Variants in TCP11 observed in about 807,000 individuals in gnomAD.
The protein encoded by TCP11 is t-complex 11.
In TCP11, 34 loss-of-function variants were observed where a neutral mutation model predicts 45.0. That is an observed-to-expected ratio of 0.76 (90% CI 0.57 to 1.01). The LOEUF (loss-of-function observed/expected upper bound fraction) is 1.01. TCP11 is among the 50% of genes least tolerant of loss of function. The probability of loss-of-function intolerance (pLI) is 0.00; values close to 1 mark genes in which losing one functional copy is unlikely to be tolerated. For missense variants in TCP11, 523 were observed against 598.1 expected (o/e 0.87, Z 1.31); for synonymous variants, 227 against 227.0 (o/e 1.00, Z 0.00).
intron 2 of TCP11, chr6:35,140,342 T>C (rs1781586085): frequency 1.4e-6 from 1 of 721,544 alleles, no homozygotes; most frequent in Non-Finnish European, 2.2e-6. Flanking sequence ...AGAACCGAGC[T>C]AGAGACTGGG....
rs1458376624 is a variant in TCP11, at chr6:35,120,554, T to C, written c.808A>G (p.Ser270Gly). The C allele has an allele frequency of 6.2e-7, 1 of 1,613,964 alleles. No individual in the cohort carries two copies. The highest frequency in any genetic ancestry group is 1.7e-5 in the Admixed American group (1 of 60,028). Residue 270 changes from serine to glycine, a missense_variant, in exon 7 of 10, where the codon AGT becomes GGT. Around this residue, in one of 2 missense-constraint regions of TCP11, gnomAD observed 298 missense variants for 387.9 expected, o/e 0.77. Transcript: ENST00000311875. This position sits in a 1 kb window ranked among gnomAD's most constrained non-coding sequence, Gnocchi z 4.9. ...TCATTGGGAGAGGGGCCAGCCACAC[T>C]GGAGGAGTCAGAAGTGTCTGGGCAA... The part of the protein sequence containing the change: ...PTCPDTSDSS[S>G]VAGPSPNEAA...
intron 4 of TCP11, among the ~76,000 whole-genome samples, chr6:35,124,490 T>C (rs1209717490): frequency 6.6e-6 from 1 of 152,210 alleles, no homozygotes; most frequent in African/African-American, 2.4e-5. Context: ...AACACCTTAC[T>C]ATAGAACACT....
intron 4 of TCP11, among the ~76,000 whole-genome samples, chr6:35,127,932 T>C (rs1780011667): frequency 6.6e-6 from 1 of 152,246 alleles, no homozygotes; most frequent in Non-Finnish European, 1.5e-5. Flanking sequence ...TTCTTTGCTC[T>C]GTGAAAATGG....
At chr6:35,141,055 G>T in intron 1 of TCP11, 150 bp downstream of exon 1, 1 of 1,224,770 alleles carries the variant, frequency 8.2e-7, no homozygotes, top group Non-Finnish European at 1.1e-6. Flanking sequence ...GAGTGGGACA[G>T]AAGTGGAGCG....
Position 35,141,293 on chromosome 6 carries a change from C to T in TCP11, c.-103G>A, listed in dbSNP as rs1404797959. On this transcript the variant is annotated 5_prime_UTR_variant, in exon 1 of 10. Transcript: ENST00000311875. ...CCTGGAGCGTACCACCGCGGCGGAGCGGCGGGTTGGGGCGTCGCACGGTGA... is the reference window on the plus strand; with the variant it reads ...CCTGGAGCGTACCACCGCGGCGGAGTGGCGGGTTGGGGCGTCGCACGGTGA... The T allele has an allele frequency of 3.9e-6, 5 of 1,288,782 alleles. No homozygotes were observed. The highest frequency in any genetic ancestry group is 4.6e-5 in the South Asian group (2 of 43,684). 79.8% of individuals were successfully genotyped at this position (1,288,782 alleles called of 1,614,324 possible).
At position 35,119,291 on chromosome 6, in the gene TCP11, C is replaced by G. The variant is rs142229547; in HGVS notation, c.1216G>C (p.Ala406Pro). Residue 406 changes from alanine (A) to proline (P), a missense_variant, in exon 9 of 10, where the codon GCA becomes CCA. By Grantham distance (27) the Ala-to-Pro change is conservative (BLOSUM62 -1). Transcript: ENST00000311875. ...GLVALSSDNT[A>P]SLMGQLQNIA... ...TTCTGGAGCTGTCCCATTAGAGATG[C>G]TGTATTATCACTGCTTAGAGCAACA... 23 of 1,614,080 alleles carry G rather than the reference C, an allele frequency of 1.4e-5. No homozygotes were observed. Among genetic ancestry groups the G allele is most frequent in the Non-Finnish European group, 1.9e-5 (22 of 1,180,050 alleles).
chr6:35,129,352 A>C (rs116712730), intron 3 of TCP11, among the ~76,000 whole-genome samples, 170 bp from the exon 4 acceptor site: 1,601 of 152,310 alleles, frequency 0.011, 33 homozygotes, highest in African/African-American at 0.036. Flanking sequence ...CTAGGGTTAG[A>C]TTTGTATTTC....
At chr6:35,133,355 T>A (rs566262603) in intron 3 of TCP11, among the ~76,000 whole-genome samples, 30 of 151,632 alleles carry the variant, frequency 2.0e-4, no homozygotes, top group South Asian at 4.2e-4. Flanking sequence ...TAAAAAAAAA[T>A]TTTTTTTTGT....
chr6:35,126,908 T>C (rs777468397), intron 4 of TCP11, among the ~76,000 whole-genome samples: 5 of 152,106 alleles, frequency 3.3e-5, no homozygotes, highest in Non-Finnish European at 5.9e-5. Context: ...TCTGCCCACC[T>C]GAGCCTCCCA....
intron 3 of TCP11, among the ~76,000 whole-genome samples, chr6:35,129,948 A>AT (rs981508339): frequency 6.6e-6 from 1 of 151,576 alleles, no homozygotes; most frequent in Non-Finnish European, 1.5e-5. Flanking sequence ...TAATTTTTTT[A>AT]TTTTTTTATT....
At position 35,120,904 on chromosome 6, in the gene TCP11, C is replaced by G. The variant is rs909998368; in HGVS notation, c.715+5G>C. The G allele has an allele frequency of 6.2e-7, 1 of 1,612,070 alleles. No homozygotes were observed. The highest frequency in any genetic ancestry group is 8.5e-7 in the Non-Finnish European group (1 of 1,179,178). On this transcript the variant is annotated splice_donor_5th_base_variant and intron_variant, in intron 6 of 9. Coordinates refer to ENST00000311875, the MANE Select transcript of TCP11 (RefSeq NM_001370687.1). The surrounding 1 kb of genome is among the most constrained non-coding windows in gnomAD (Gnocchi z 4.9). ...CCCACTCCTGCCCTCACATTATATA[C>G]ATACTAGGCTGCTTATTGAGGAGTT...
intron 3 of TCP11, 99 bp from the exon 4 acceptor site, chr6:35,129,281 G>T: frequency 7.0e-7 from 1 of 1,422,876 alleles, no homozygotes; most frequent in Non-Finnish European, 9.4e-7. Flanking sequence ...ATGGTAAAAG[G>T]CCATTATAAT....
intron 2 of TCP11, chr6:35,137,908 A>T: frequency 2.5e-6 from 1 of 406,798 alleles, no homozygotes; most frequent in South Asian, 1.8e-5. Context: ...TCATAAATGT[A>T]TAATTTTTCT....
chr6:35,129,122 T>G lies in TCP11; in HGVS notation c.297A>C (p.Gln99His). Residue 99 changes from glutamine to histidine, a missense_variant, in exon 4 of 10, where the codon CAA becomes CAC. This residue lies in a region of TCP11 where 225 missense variants were observed against 210.2 expected (regional missense o/e 1.07). Coordinates refer to ENST00000311875, the MANE Select transcript of TCP11 (RefSeq NM_001370687.1). ...TGAAGTCAGGGGGAGTTGCTGATAGTTGCTCTTTAAGATGGTCCCAAAAGG... is the reference window on the plus strand; with the variant it reads ...TGAAGTCAGGGGGAGTTGCTGATAGGTGCTCTTTAAGATGGTCCCAAAAGG... ...HNAFWDHLKE[Q>H]LSATPPDFSC... is the part of the protein sequence containing the mutation. The G allele has an allele frequency of 6.2e-7, 1 of 1,614,184 alleles. No individual in the cohort carries two copies.
At chr6:35,136,446 T>C (rs1466875846) in intron 2 of TCP11, among the ~76,000 whole-genome samples, 3 of 150,464 alleles carry the variant, frequency 2.0e-5, no homozygotes, top group African/African-American at 7.4e-5. Flanking sequence ...AGCTAGTTTA[T>C]AAAAAAAAGC....
chr6:35,128,352 G>A (rs978606537), intron 4 of TCP11: 1 of 152,200 alleles, frequency 6.6e-6, no homozygotes, highest in Non-Finnish European at 1.5e-5. Context: ...TGGCCCTCTC[G>A]ATAGGCAGTT....
Position 35,140,788 on chromosome 6 carries a change from G to A in TCP11, c.83C>T (p.Pro28Leu), listed in dbSNP as rs767710443. Residue 28 changes from proline (P) to leucine (L), a missense_variant, in exon 2 of 10, where the codon CCC (proline) becomes CTC (leucine). Around this residue, in one of 2 missense-constraint regions of TCP11, gnomAD observed 225 missense variants for 210.2 expected, o/e 1.07. Transcript: ENST00000311875. ...GGAGCCGCTCTTGTCTTCCTGGGGGGGTCCTGAGGTTTCGGGCTTACAGGA... is the reference window on the plus strand; with the variant it reads ...GGAGCCGCTCTTGTCTTCCTGGGGGAGTCCTGAGGTTTCGGGCTTACAGGA... The part of the protein sequence containing the change: ...GRSCKPETSG[P>L]PQEDKSGSED... The A allele has an allele frequency of 3.3e-6, 5 of 1,530,598 alleles. No homozygotes were observed. Among genetic ancestry groups the A allele is most frequent in the East Asian group, 2.3e-5 (1 of 44,230 alleles). The allele number at this position is 1,530,598 out of a possible 1,614,324, so 94.8% of individuals were successfully genotyped here.
chr6:35,118,162 G>T lies in TCP11; in HGVS notation c.*107C>A. 2.2e-6 allele frequency: 2 copies of T among 920,912 alleles called. No homozygotes were observed. Among genetic ancestry groups the T allele is most frequent in the Non-Finnish European group, 3.4e-6 (2 of 579,856 alleles). The allele number at this position is 920,912 out of a possible 1,614,324, so 57.0% of individuals were successfully genotyped here. A position where few individuals can be genotyped will look rare whatever the true frequency, so the allele number is the denominator to read the frequency against. ...CTACAGCCTTGGTGTACTGGCTGCAGGGCCTGGGATAGAAGCTCACTGTCT... is the reference window on the plus strand; with the variant it reads ...CTACAGCCTTGGTGTACTGGCTGCATGGCCTGGGATAGAAGCTCACTGTCT... On this transcript the variant is annotated 3_prime_UTR_variant, in exon 10 of 10. Coordinates refer to ENST00000311875, the MANE Select transcript of TCP11 (RefSeq NM_001370687.1).
At chr6:35,136,040 C>G (rs560748312) in intron 3 of TCP11, 67 bp downstream of exon 3, 51 of 1,192,784 alleles carry the variant, frequency 4.3e-5, no homozygotes, top group South Asian at 1.3e-4. Flanking sequence ...CAAGTCTGAT[C>G]TGAAGCCATC....
Sources: gnomAD v4.1 joint callset for allele counts (sites outside exome capture counted in the v4.1 genomes callset) on GRCh38, gnomAD v4.1.1 for gene constraint, gnomAD v4.1.1 regional missense constraint, Gnocchi (gnomAD v3.1) non-coding constraint, MANE v1.5 for transcripts, NCBI Gene and HGNC (gene_info 2026-07-23, HGNC 2026-07-21) for gene names.